DKK3: variants seen among roughly 807,000 people sequenced by gnomAD.
The protein encoded by DKK3 is dickkopf Wnt signaling pathway inhibitor 3.
Under a neutral mutation model 33.2 loss-of-function variants are expected in DKK3, and 22 were observed. The observed-to-expected ratio is 0.66, with a 90% confidence interval of 0.47 to 0.95. DKK3 has a LOEUF of 0.95. Among genes scored for constraint, DKK3 ranks in the 40% least tolerant of loss-of-function variants. The pLI, the probability that DKK3 is intolerant of heterozygous loss-of-function variation, is 0.00. For missense variants in DKK3, 398 were observed against 458.4 expected (o/e 0.87, Z 1.20); for synonymous variants, 194 against 188.8 (o/e 1.03, Z -0.23).
intron 1 of DKK3, among the ~76,000 whole-genome samples, chr11:12,003,230 G>A (rs931592464): frequency 6.6e-6 from 1 of 152,160 alleles, no homozygotes; most frequent in Non-Finnish European, 1.5e-5. Context: ...GGTGGTAGGG[G>A]CAGGGGATGG....
At chr11:11,996,113 G>A (rs568983051) in intron 3 of DKK3, among the ~76,000 whole-genome samples, 43 of 152,276 alleles carry the variant, frequency 2.8e-4, no homozygotes, top group African/African-American at 1.0e-3. Context: ...AGTATTTTAA[G>A]GTTTACACAG....
intron 3 of DKK3, among the ~76,000 whole-genome samples, chr11:11,997,844 T>C (rs1848331342): frequency 6.6e-6 from 1 of 152,120 alleles, no homozygotes; most frequent in Admixed American, 6.5e-5. Flanking sequence ...ATACACTGGT[T>C]CCCTTCCAGC....
At chr11:11,998,538 C>G in intron 3 of DKK3, 158 bp downstream of exon 3, 1 of 713,818 alleles carries the variant, frequency 1.4e-6, no homozygotes, top group South Asian at 1.6e-5. Flanking sequence ...CTACATCTGT[C>G]TGGTCAGAAA....
chr11:11,966,892 G>A, intron 5 of DKK3, 62 bp downstream of exon 5: 1 of 1,584,776 alleles, frequency 6.3e-7, no homozygotes, highest in South Asian at 1.2e-5. Flanking sequence ...GTGGCTCCAG[G>A]AGGTCCAGTG....
intron 4 of DKK3, 141 bp downstream of exon 4, chr11:11,968,254 C>G: frequency 1.4e-6 from 1 of 711,484 alleles, no homozygotes; most frequent in Non-Finnish European, 2.2e-6. Flanking sequence ...GGAGTCAGCC[C>G]TCTGGGGAGC....
chr11:11,988,329 T>C (rs117360102), intron 3 of DKK3, among the ~76,000 whole-genome samples: 6 of 152,314 alleles, frequency 3.9e-5, no homozygotes, highest in East Asian at 3.9e-4. Flanking sequence ...TCCTGCCTGA[T>C]TGGAGAGACC....
intron 5 of DKK3, 119 bp downstream of exon 5, chr11:11,966,835 G>A: frequency 7.2e-7 from 1 of 1,397,104 alleles, no homozygotes; most frequent in Non-Finnish European, 9.8e-7. Context: ...GAGCATTTGG[G>A]AGCCTATCCA....
chr11:11,988,762 G>T (rs1848125175), intron 3 of DKK3, among the ~76,000 whole-genome samples: 1 of 152,166 alleles, frequency 6.6e-6, no homozygotes, highest in East Asian at 1.9e-4. Context: ...TCACATCTCT[G>T]GATCCCCACA....
At chr11:11,966,062 AC>A in intron 5 of DKK3, 97 bp from the exon 6 acceptor site, 1 of 1,385,670 alleles carries the variant, frequency 7.2e-7, no homozygotes, top group Non-Finnish European at 9.6e-7. Context: ...CCCACCTCCC[AC>A]CCTCAACCCC....
At position 11,982,105 on chromosome 11, in the gene DKK3, G is replaced by A. The variant is rs78449204; in HGVS notation, c.436-13618C>T. Among the ~76,000 whole-genome samples, 415 of 152,216 alleles carry A rather than the reference G, an allele frequency of 2.7e-3. 2 individuals are homozygous for A. Among genetic ancestry groups the A allele is most frequent in the African/African-American group, 8.8e-3 (364 of 41,526 alleles). ...TGAGGGCCTCTTTTAAAAAATAAGC[G>A]TTCTGGGCAATGAACAGCAGACATC... On this transcript the variant is annotated intron_variant, in intron 3 of 6. Coordinates refer to ENST00000683431, the MANE Select transcript of DKK3 (RefSeq NM_001018057.2).
At chr11:11,973,854 T>C (rs1847776635) in intron 3 of DKK3, among the ~76,000 whole-genome samples, 1 of 152,182 alleles carries the variant, frequency 6.6e-6, no homozygotes, top group Admixed American at 6.5e-5. Flanking sequence ...AAGTCAAAAC[T>C]TGGAGGAGGG....
intron 6 of DKK3, 169 bp from the exon 7 acceptor site, chr11:11,964,855 G>A: frequency 7.3e-7 from 1 of 1,363,970 alleles, no homozygotes; most frequent in Non-Finnish European, 9.7e-7. Flanking sequence ...TTAAAATGAT[G>A]GCTGAGGGAG....
intron 3 of DKK3, among the ~76,000 whole-genome samples, chr11:11,971,435 TACTGTG>T (rs1847723812): frequency 6.6e-6 from 1 of 152,212 alleles, no homozygotes; most frequent in Non-Finnish European, 1.5e-5. Flanking sequence ...CTGTGCCCAG[TACTGTG>T]GCTGGAACAT....
chr11:11,986,020 T>C (rs1488146338), intron 3 of DKK3, among the ~76,000 whole-genome samples: 1 of 152,138 alleles, frequency 6.6e-6, no homozygotes, highest in East Asian at 1.9e-4. Flanking sequence ...CAAAGGCTAC[T>C]AGGAATCTCC....
intron 3 of DKK3, among the ~76,000 whole-genome samples, chr11:11,980,997 C>T (rs1847943350): frequency 6.6e-6 from 1 of 152,214 alleles, no homozygotes; most frequent in Admixed American, 6.5e-5. Flanking sequence ...AGAGCACTCA[C>T]AGCTTCTTCG....
At chr11:12,007,990 T>A (rs1848572620) in intron 1 of DKK3, among the ~76,000 whole-genome samples, 1 of 152,238 alleles carries the variant, frequency 6.6e-6, no homozygotes. Flanking sequence ...TGGCGATGCC[T>A]GGAGCTTGTC....
At chr11:11,975,235 G>A (rs967906924) in intron 3 of DKK3, among the ~76,000 whole-genome samples, 3 of 152,174 alleles carry the variant, frequency 2.0e-5, no homozygotes, top group Admixed American at 1.3e-4. Flanking sequence ...GATCTTCCAC[G>A]CACAGTCAGC....
chr11:11,995,240 C>T (rs1318097233), intron 3 of DKK3, among the ~76,000 whole-genome samples: 1 of 152,138 alleles, frequency 6.6e-6, no homozygotes, highest in East Asian at 1.9e-4. Flanking sequence ...CCACCAGGCC[C>T]GGCTAATTTT....
intron 3 of DKK3, among the ~76,000 whole-genome samples, chr11:11,981,467 C>T (rs1369888620): frequency 1.3e-5 from 2 of 152,160 alleles, no homozygotes; most frequent in African/African-American, 2.4e-5. Flanking sequence ...ACATAATAAA[C>T]GGTTGTTTTA....
Sources: allele counts gnomAD v4.1 joint callset (sites outside exome capture counted in the v4.1 genomes callset), GRCh38; gene constraint gnomAD v4.1.1; transcripts MANE v1.5; gene names NCBI Gene and HGNC (gene_info 2026-07-23, HGNC 2026-07-21).